Variants in PLXNA4 observed in about 807,000 individuals in gnomAD.
PLXNA4 encodes plexin A4, also known as plexin-A4.
A neutral mutation model predicts 191.8 loss-of-function variants in PLXNA4; 44 were observed. The ratio of observed to expected loss-of-function variants is 0.23; its 90% CI spans 0.18 to 0.29. PLXNA4 has a LOEUF of 0.29. Ranked by LOEUF, PLXNA4 falls within the 10% of genes least tolerant of loss-of-function variation. PLXNA4 has a pLI of 1.00. For synonymous variants in PLXNA4, 1,082 were observed against 1,009.5 expected, an observed-to-expected ratio of 1.07 and a Z score of -1.36; for missense variants, 1,800 against 2,488.8, an observed-to-expected ratio of 0.72 and a Z score of 5.89.
At chr7:132,556,717 G>GT (rs1800817774) in intron 1 of PLXNA4, among the ~76,000 whole-genome samples, 1 of 152,196 alleles carries the variant, frequency 6.6e-6, no homozygotes, top group Non-Finnish European at 1.5e-5. Flanking sequence ...CATGTCAAAG[G>GT]GTTCCGTCCT....
intron 3 of PLXNA4, among the ~76,000 whole-genome samples, chr7:132,428,818 C>G (rs147091236): frequency 1.4e-3 from 217 of 152,194 alleles, no homozygotes; most frequent in African/African-American, 4.3e-3. Flanking sequence ...GAAAAGATAA[C>G]GAGGAAGAAT....
Position 132,127,359 on chromosome 7 carries a change from G to C in PLXNA4, c.*3120C>G, listed in dbSNP as rs1300016823. 1 of 152,090 alleles carries C rather than the reference G, an allele frequency of 6.6e-6. No individual in the cohort carries two copies. Among genetic ancestry groups the C allele is most frequent in the African/African-American group, 2.4e-5 (1 of 41,406 alleles). 9.4% of individuals were successfully genotyped at this position (152,090 alleles called of 1,614,324 possible). A position where few individuals can be genotyped will look rare whatever the true frequency, so the allele number is the denominator to read the frequency against. On this transcript the variant is annotated 3_prime_UTR_variant, in exon 32 of 32. Transcript: ENST00000321063. The stretch of plus-strand genomic sequence containing the variant: ...GCCGTGAAGGGGCCTCCATCCCACA[G>C]GACAAAGTTGGCCCAATTCCTTTCT...
At chr7:132,454,499 A>G (rs1226610551) in intron 3 of PLXNA4, among the ~76,000 whole-genome samples, 1 of 152,076 alleles carries the variant, frequency 6.6e-6, no homozygotes, top group African/African-American at 2.4e-5. Flanking sequence ...AAGGAGGCCA[A>G]GTAGAGTAGG....
intron 3 of PLXNA4, among the ~76,000 whole-genome samples, chr7:132,464,941 G>C (rs936003661): frequency 2.0e-5 from 3 of 152,240 alleles, no homozygotes; most frequent in Non-Finnish European, 2.9e-5. Context: ...CTAGGAGAGA[G>C]GATGCCCAGT....
intron 1 of PLXNA4, among the ~76,000 whole-genome samples, chr7:132,560,536 T>C (rs182468241): frequency 6.6e-6 from 1 of 152,250 alleles, no homozygotes; most frequent in Admixed American, 6.5e-5. Context: ...TGCAACTGGG[T>C]CCAGAAGTAA....
intron 9 of PLXNA4, among the ~76,000 whole-genome samples, chr7:132,219,920 C>T (rs1007537550): frequency 6.6e-6 from 1 of 152,116 alleles, no homozygotes; most frequent in Non-Finnish European, 1.5e-5. Flanking sequence ...ATAGGCTATG[C>T]CATATAGCCT....
intron 3 of PLXNA4, among the ~76,000 whole-genome samples, chr7:132,393,095 C>T (rs575807332): frequency 2.6e-5 from 4 of 151,896 alleles, no homozygotes; most frequent in African/African-American, 4.8e-5. Context: ...CGAATTTTCT[C>T]ATGCTGTTCC....
rs976571835 is a variant in PLXNA4 at position 132,174,853 on chromosome 7, G to T, written c.3942C>A (p.Phe1314Leu). 1 of 1,614,208 alleles carries T rather than the reference G, an allele frequency of 6.2e-7. No homozygotes were observed. Among genetic ancestry groups the T allele is most frequent in the Admixed American group, 1.7e-5 (1 of 60,024 alleles). The part of the protein sequence containing the change: ...TSDLDGAGIP[F>L]LDYRTYTMRV... The stretch of plus-strand genomic sequence containing the variant: ...GCATGGTGTAAGTTCTATAGTCCAG[G>T]AACGGAATCCCGGCTCCATCCAGGT... Residue 1314 changes from phenylalanine (F) to leucine (L), a missense_variant, in exon 21 of 32, where the codon TTC becomes TTA. Phe to Leu is a conservative substitution (Grantham distance 22, BLOSUM62 0). Around this residue, in one of 6 missense-constraint regions of PLXNA4, gnomAD observed 1,397 missense variants for 1,880.4 expected, o/e 0.74. Transcript: ENST00000321063.
chr7:132,369,132 T>C (rs1433750676), intron 3 of PLXNA4, among the ~76,000 whole-genome samples: 2 of 152,086 alleles, frequency 1.3e-5, no homozygotes, highest in African/African-American at 2.4e-5. Flanking sequence ...GATGAGAGAA[T>C]CCCTAACGCC....
chr7:132,218,266 G>A (rs150294663), intron 9 of PLXNA4, among the ~76,000 whole-genome samples: 90 of 151,986 alleles, frequency 5.9e-4, no homozygotes, highest in African/African-American at 2.1e-3. Context: ...GTTGGGAGAA[G>A]CTTTCAAACA....
chr7:132,582,027 G>C (rs188033661), upstream of PLXNA4, among the ~76,000 whole-genome samples: 1 of 152,260 alleles, frequency 6.6e-6, no homozygotes, highest in East Asian at 1.9e-4. Context: ...CCCAGATCTG[G>C]CCAGAGCCAT....
At position 132,178,713 on chromosome 7, in the gene PLXNA4, TACACAC is replaced by T. The variant is rs56218462; in HGVS notation, c.3874+968_3874+973del. Among the ~76,000 whole-genome samples the T allele has an allele frequency of 3.6e-5, 4 of 112,080 alleles. No individual in the cohort carries two copies. In the East Asian group the frequency reaches 8.9e-4, roughly 25 times the overall value. The allele number at this position is 112,080 out of a possible 152,430, so 73.5% of individuals were successfully genotyped here. On this transcript the variant is annotated intron_variant, in intron 20 of 31. Coordinates refer to ENST00000321063, the MANE Select transcript of PLXNA4 (RefSeq NM_020911.2). ...TAAATGAAACACATACACATACACA[TACACAC>T]ACACACACACACTTGTAAATGAAAC...
intron 4 of PLXNA4, among the ~76,000 whole-genome samples, chr7:132,244,687 C>T (rs901664985): frequency 6.6e-5 from 10 of 152,228 alleles, no homozygotes; most frequent in Admixed American, 6.5e-4. Flanking sequence ...GCCCCACCAT[C>T]AGGCAATAGT....
rs1285787951 is a variant in PLXNA4 at position 132,528,094 on chromosome 7, T to C, written c.-86-19315A>G. Among the ~76,000 whole-genome samples, 3 of 152,202 alleles carry C rather than the reference T, an allele frequency of 2.0e-5. No homozygotes were observed. In the East Asian group the frequency reaches 5.8e-4, roughly 29 times the overall value. On this transcript the variant is annotated intron_variant, in intron 1 of 31. Coordinates refer to ENST00000321063, the MANE Select transcript of PLXNA4 (RefSeq NM_020911.2). ...ACAAGAATATAACTTAAGAAGGCTA[T>C]AATCTAAACAGCTTGAATAAAGAAG...
chr7:132,515,373 G>A (rs141203308), intron 1 of PLXNA4, among the ~76,000 whole-genome samples: 6 of 152,218 alleles, frequency 3.9e-5, no homozygotes, highest in Non-Finnish European at 7.4e-5. Context: ...TTCCGGTTAC[G>A]CAAGTCAAAA....
chr7:132,132,422 G>A lies in PLXNA4; in HGVS notation c.5589+627C>T, dbSNP rs144831778. On this transcript the variant is annotated intron_variant, in intron 31 of 31. Coordinates refer to ENST00000321063, the MANE Select transcript of PLXNA4 (RefSeq NM_020911.2). ...GTTCTGTTCTGTTCTGTTCTGTTCT[G>A]TTCTGTTCTGTTCTGTTCTGTTCTG... Among the ~76,000 whole-genome samples, 655 of 76,006 alleles carry A rather than the reference G, an allele frequency of 8.6e-3. 11 individuals carry two copies. Among genetic ancestry groups the A allele is most frequent in the Middle Eastern group, 0.032 (5 of 156 alleles). 49.9% of individuals were successfully genotyped at this position (76,006 alleles called of 152,430 possible).
rs751045622 is a variant in PLXNA4 at position 132,179,833 on chromosome 7, G to A, written c.3728C>T (p.Ala1243Val). 5.0e-6 allele frequency: 8 copies of A among 1,613,302 alleles called. No individual in the cohort carries two copies. The highest frequency in any genetic ancestry group is 2.7e-5 in the African/African-American group (2 of 74,930). ...PLSLPAIVSI[A>V]VAGGLLIIFI... ...AATGATGAGGAGGCCGCCAGCCACTGCGATGCTGACGATGGCGGGCAGGCT... is the reference window on the plus strand; with the variant it reads ...AATGATGAGGAGGCCGCCAGCCACTACGATGCTGACGATGGCGGGCAGGCT... Residue 1243 changes from alanine (A) to valine (V), a missense_variant, in exon 20 of 32, where the codon GCA (alanine) becomes GTA (valine). By Grantham distance (64) the Ala-to-Val change is moderately conservative (BLOSUM62 0). This residue lies in a region of PLXNA4 where 1,397 missense variants were observed against 1,880.4 expected (regional missense o/e 0.74). Coordinates refer to ENST00000321063, the MANE Select transcript of PLXNA4 (RefSeq NM_020911.2).
chr7:132,597,577 ATT>A (rs1429798045), intron 2 of PLXNA4, among the ~76,000 whole-genome samples: 496 of 6,710 alleles, frequency 0.074, 1 homozygote, highest in Non-Finnish European at 0.23. Flanking sequence ...CTCTCCTTTT[ATT>A]CATTCATTCA....
intron 3 of PLXNA4, among the ~76,000 whole-genome samples, chr7:132,301,817 G>C (rs1156750351): frequency 6.6e-6 from 1 of 152,176 alleles, no homozygotes; most frequent in South Asian, 2.1e-4. Flanking sequence ...TTTATACCTT[G>C]CAAAGCATTC....
Sources: gnomAD v4.1 joint callset for allele counts (sites outside exome capture counted in the v4.1 genomes callset) on GRCh38, gnomAD v4.1.1 for gene constraint, gnomAD v4.1.1 regional missense constraint, MANE v1.5 for transcripts, NCBI Gene and HGNC (gene_info 2026-07-23, HGNC 2026-07-21) for gene names.